Variants in SLC35F1 observed in about 807,000 individuals in gnomAD.
SLC35F1 encodes solute carrier family 35 member F1, also known as chromosome 6 open reading frame 169.
Under a neutral mutation model 48.7 loss-of-function variants are expected in SLC35F1, and 14 were observed. The ratio of observed to expected loss-of-function variants is 0.29; its 90% CI spans 0.19 to 0.45. SLC35F1 has a LOEUF of 0.45. Among genes scored for constraint, SLC35F1 ranks in the 20% least tolerant of loss-of-function variants. SLC35F1 has a pLI of 1.00. For missense variants in SLC35F1, 404 were observed against 500.0 expected, an observed-to-expected ratio of 0.81 and a Z score of 1.83; for synonymous variants, 190 against 202.2, an observed-to-expected ratio of 0.94 and a Z score of 0.51.
intron 1 of SLC35F1, among the ~76,000 whole-genome samples, chr6:118,000,185 A>C (rs1272102480): frequency 6.6e-6 from 1 of 152,238 alleles, no homozygotes; most frequent in Admixed American, 6.5e-5. Flanking sequence ...ATGAACATTG[A>C]TGCAAAAATC....
intron 1 of SLC35F1, among the ~76,000 whole-genome samples, chr6:118,001,141 A>G (rs1180965126): frequency 2.0e-5 from 3 of 152,346 alleles, no homozygotes; most frequent in African/African-American, 7.2e-5. Flanking sequence ...TGCATCGCCA[A>G]GTCAATCCTA....
chr6:117,947,980 G>A (rs974208236), intron 1 of SLC35F1, among the ~76,000 whole-genome samples: 2 of 152,076 alleles, frequency 1.3e-5, no homozygotes, highest in African/African-American at 2.4e-5. Flanking sequence ...AGCTCAAGAC[G>A]AGGAACCAGC....
chr6:118,071,599 C>A (rs1772729169), intron 1 of SLC35F1, among the ~76,000 whole-genome samples: 1 of 152,062 alleles, frequency 6.6e-6, no homozygotes, highest in African/African-American at 2.4e-5. Flanking sequence ...CCTTTTTCCC[C>A]CTAGAGCACA....
chr6:117,936,038 C>G (rs745914458), intron 1 of SLC35F1, among the ~76,000 whole-genome samples: 1 of 152,198 alleles, frequency 6.6e-6, no homozygotes, highest in Non-Finnish European at 1.5e-5. Context: ...TTGGTGCCCT[C>G]TCTTATGGGG....
chr6:118,189,324 T>C (rs1012681012), intron 2 of SLC35F1, among the ~76,000 whole-genome samples: 1 of 152,188 alleles, frequency 6.6e-6, no homozygotes, highest in Non-Finnish European at 1.5e-5. Flanking sequence ...GTGAGTAATA[T>C]CACACTGTAG....
At chr6:117,962,552 T>C (rs987041520) in intron 1 of SLC35F1, among the ~76,000 whole-genome samples, 5 of 152,048 alleles carry the variant, frequency 3.3e-5, no homozygotes, top group Non-Finnish European at 5.9e-5. Flanking sequence ...AATCATCTGC[T>C]CACCCAGAGA....
intron 2 of SLC35F1, among the ~76,000 whole-genome samples, chr6:118,201,133 G>A (rs990617518): frequency 6.6e-6 from 1 of 152,142 alleles, no homozygotes; most frequent in African/African-American, 2.4e-5. Flanking sequence ...TGTTGCCCAG[G>A]CTGAGCATGT....
chr6:117,917,580 T>G (rs1177854225), intron 1 of SLC35F1, among the ~76,000 whole-genome samples: 1 of 151,884 alleles, frequency 6.6e-6, no homozygotes, highest in African/African-American at 2.4e-5. Flanking sequence ...ACATTTCCAG[T>G]TTTTTGGGCT....
intron 1 of SLC35F1, among the ~76,000 whole-genome samples, chr6:117,949,442 A>G (rs77080513): frequency 0.02 from 3,039 of 152,216 alleles, 39 homozygotes; most frequent in Non-Finnish European, 0.032. Context: ...CAAGCACTTT[A>G]TTATTTTTTT....
At chr6:117,943,038 C>G (rs1776251689) in intron 1 of SLC35F1, among the ~76,000 whole-genome samples, 1 of 152,152 alleles carries the variant, frequency 6.6e-6, no homozygotes, top group Non-Finnish European at 1.5e-5. Flanking sequence ...AGTCAATAGT[C>G]AAGTGCCTCT....
At chr6:118,032,282 A>G (rs1477866900) in intron 1 of SLC35F1, among the ~76,000 whole-genome samples, 1 of 152,154 alleles carries the variant, frequency 6.6e-6, no homozygotes, top group Admixed American at 6.5e-5. Context: ...GTGGACATGG[A>G]AGGCACGAGA....
chr6:118,157,501 G>A lies in SLC35F1; in HGVS notation c.349+2881G>A, dbSNP rs112062706. ...ACAAGGTGAAGTCCCACAATAGGCC[G>A]TCTGCAAGCTGAGGAGCAAGGAAGC... On this transcript the variant is annotated intron_variant, in intron 2 of 7. Transcript: ENST00000360388. Among the ~76,000 whole-genome samples the A allele has an allele frequency of 1.6e-3, 237 of 152,254 alleles. 2 individuals carry two copies. Among genetic ancestry groups the A allele is most frequent in the African/African-American group, 5.3e-3 (222 of 41,526 alleles).
At position 118,072,022 on chromosome 6, in the gene SLC35F1, T is replaced by C. The variant is rs900993104; in HGVS notation, c.174-82423T>C. 5.3e-5 allele frequency among the ~76,000 whole-genome samples: 8 copies of C among 152,230 alleles called. No individual in the cohort carries two copies. The East Asian group carries it at 1.5e-3, about 29-fold the overall frequency. On this transcript the variant is annotated intron_variant, in intron 1 of 7. Coordinates refer to ENST00000360388, the MANE Select transcript of SLC35F1 (RefSeq NM_001029858.4). Reference sequence around the variant, plus strand: ...TGCTTTGCTAATTTATTTCTCTATTTCTCTGAAATTTATATTATTCAGATG... The same window carrying C: ...TGCTTTGCTAATTTATTTCTCTATTCCTCTGAAATTTATATTATTCAGATG...
intron 2 of SLC35F1, among the ~76,000 whole-genome samples, chr6:118,212,213 G>T (rs191522746): frequency 2.0e-5 from 3 of 152,168 alleles, no homozygotes; most frequent in East Asian, 1.9e-4. Context: ...GTTTTGATTT[G>T]TTTCAGTAGT....
At chr6:118,185,620 A>G (rs1437408365) in intron 2 of SLC35F1, among the ~76,000 whole-genome samples, 1 of 151,992 alleles carries the variant, frequency 6.6e-6, no homozygotes, top group African/African-American at 2.4e-5. Context: ...TAAATATTCT[A>G]TTGAAAATCA....
chr6:117,957,506 C>T (rs1277696320), intron 1 of SLC35F1, among the ~76,000 whole-genome samples: 1 of 152,196 alleles, frequency 6.6e-6, no homozygotes, highest in Non-Finnish European at 1.5e-5. Flanking sequence ...TTTTGTCATA[C>T]AGTCCATTGT....
intron 1 of SLC35F1, among the ~76,000 whole-genome samples, chr6:118,040,360 GT>G (rs1772196101): frequency 6.6e-6 from 1 of 152,126 alleles, no homozygotes; most frequent in South Asian, 2.1e-4. Flanking sequence ...TGCCCTAGTC[GT>G]TAGGTAGTGT....
At chr6:118,144,657 A>T (rs1773945138) in intron 1 of SLC35F1, among the ~76,000 whole-genome samples, 1 of 151,892 alleles carries the variant, frequency 6.6e-6, no homozygotes, top group Admixed American at 6.6e-5. Context: ...CTAAAGTAAG[A>T]GTTCACATCC....
chr6:117,922,957 C>T (rs1273503208), intron 1 of SLC35F1, among the ~76,000 whole-genome samples: 2 of 152,124 alleles, frequency 1.3e-5, no homozygotes, highest in Non-Finnish European at 2.9e-5. Flanking sequence ...GCATGGAGAG[C>T]TTAGAGATCA....
Sources: allele counts gnomAD v4.1 joint callset (sites outside exome capture counted in the v4.1 genomes callset), GRCh38; gene constraint gnomAD v4.1.1; transcripts MANE v1.5; gene names NCBI Gene and HGNC (gene_info 2026-07-23, HGNC 2026-07-21).